Variants in FOXK1 observed in about 807,000 individuals in gnomAD.
FOXK1 encodes forkhead box K1, also known as forkhead box protein K1.
A neutral mutation model predicts 51.9 loss-of-function variants in FOXK1; 19 were observed. That is an observed-to-expected ratio of 0.37 (90% CI 0.26 to 0.54). The LOEUF (loss-of-function observed/expected upper bound fraction) is 0.54. FOXK1 is among the 20% of genes least tolerant of loss of function. The pLI, the probability that FOXK1 is intolerant of heterozygous loss-of-function variation, is 0.87. For missense variants in FOXK1, 870 were observed against 1,032.7 expected (o/e 0.84, Z 2.16); for synonymous variants, 537 against 482.6 (o/e 1.11, Z -1.48).
In FOXK1 at chr7:4,735,213, T is replaced by A. The variant is rs1386615860; in HGVS notation, c.561-5625T>A. 6.6e-6 allele frequency among the ~76,000 whole-genome samples: 1 copy of A among 152,052 alleles called. No individual in the cohort carries two copies. Among genetic ancestry groups the A allele is most frequent in the Non-Finnish European group, 1.5e-5 (1 of 68,004 alleles). On this transcript the variant is annotated intron_variant, in intron 1 of 8. Transcript: ENST00000328914. The surrounding 1 kb of genome is among the most constrained non-coding windows in gnomAD (Gnocchi z 4.7). ...TGTGGTCTGAGGCTGAGCCAGGCAGTGTCATCTCCAACCAAGTCACCAGTT... is the reference window on the plus strand; with the variant it reads ...TGTGGTCTGAGGCTGAGCCAGGCAGAGTCATCTCCAACCAAGTCACCAGTT...
chr7:4,747,535 TTTTG>T lies in FOXK1; in HGVS notation c.746+6524_746+6527del, dbSNP rs1209767058. 3.9e-5 allele frequency among the ~76,000 whole-genome samples: 6 copies of T among 152,158 alleles called. No homozygotes were observed. Among genetic ancestry groups the T allele is most frequent in the Non-Finnish European group, 5.9e-5 (4 of 68,024 alleles). On this transcript the variant is annotated intron_variant, in intron 2 of 8. Transcript: ENST00000328914. The surrounding 1 kb of genome is among the most constrained non-coding windows in gnomAD (Gnocchi z 9.2). ...TTTGGGTTTGGGGGGTTGATTTTGTTTTTGTTTGTTTGTTTTTTGGGACAGGGTC... is the reference window on the plus strand; with the variant it reads ...TTTGGGTTTGGGGGGTTGATTTTGTTTTTGTTTGTTTTTTGGGACAGGGTC...
rs970970921 is a variant in FOXK1 at position 4,722,128 on chromosome 7, T to C, written c.561-18710T>C. Among the ~76,000 whole-genome samples the C allele has an allele frequency of 2.0e-5, 3 of 152,146 alleles. No homozygotes were observed. The highest frequency in any genetic ancestry group is 4.4e-5 in the Non-Finnish European group (3 of 68,030). ...AGGGGACTTTGGTGGGGCCTTGGGC[T>C]CTTGGTCACATCCTGCCCTGATTCA... On this transcript the variant is annotated intron_variant, in intron 1 of 8. Coordinates refer to ENST00000328914, the MANE Select transcript of FOXK1 (RefSeq NM_001037165.2). The surrounding 1 kb of genome is among the most constrained non-coding windows in gnomAD (Gnocchi z 5.1).
Position 4,758,946 on chromosome 7 carries a change from A to G in FOXK1, c.1245-105A>G. The stretch of plus-strand genomic sequence containing the variant: ...AATGCGGAGGACAGAGACGAGCTCC[A>G]GGGAGCGTGGGCGGGTGACGGCGCT... On this transcript the variant is annotated intron_variant, in intron 5 of 8. Coordinates refer to ENST00000328914, the MANE Select transcript of FOXK1 (RefSeq NM_001037165.2). This position sits in a 1 kb window ranked among gnomAD's most constrained non-coding sequence, Gnocchi z 4.4. The G allele has an allele frequency of 8.0e-7, 1 of 1,244,360 alleles. No homozygotes were observed. The highest frequency in any genetic ancestry group is 1.5e-5 in the South Asian group (1 of 68,780). 77.1% of individuals were successfully genotyped at this position (1,244,360 alleles called of 1,614,324 possible).
intron 1 of FOXK1, among the ~76,000 whole-genome samples, chr7:4,688,394 C>A (rs1779847590): frequency 6.7e-6 from 1 of 149,500 alleles, no homozygotes; most frequent in Non-Finnish European, 1.5e-5. Context: ...CTTTTCTTTT[C>A]TTTTTTTTAT....
intron 1 of FOXK1, among the ~76,000 whole-genome samples, chr7:4,706,356 G>A (rs1167401528): frequency 1.3e-5 from 2 of 151,498 alleles, no homozygotes; most frequent in African/African-American, 4.9e-5. Flanking sequence ...AAGTGCTCTG[G>A]CACCCTAAGT....
chr7:4,713,318 C>T (rs1780196775), intron 1 of FOXK1, among the ~76,000 whole-genome samples: 1 of 152,010 alleles, frequency 6.6e-6, no homozygotes, highest in Non-Finnish European at 1.5e-5. Context: ...GGCTGGGATT[C>T]CCGCTCACTG....
At chr7:4,746,159 G>A (rs949620890) in intron 2 of FOXK1, among the ~76,000 whole-genome samples, 25 of 152,176 alleles carry the variant, frequency 1.6e-4, no homozygotes, top group Non-Finnish European at 1.2e-4. Flanking sequence ...ACAATTCGGC[G>A]AAGGTCAGCA....
rs756891278 is a variant in FOXK1, at chr7:4,722,214, C to T, written c.561-18624C>T. ...AGATGCTGGATTTCACGTCCACGGC[C>T]GCCTGGAAATAAATGCCAGCACCGT... On this transcript the variant is annotated intron_variant, in intron 1 of 8. Coordinates refer to ENST00000328914, the MANE Select transcript of FOXK1 (RefSeq NM_001037165.2). The surrounding 1 kb of genome is among the most constrained non-coding windows in gnomAD (Gnocchi z 5.1). Among the ~76,000 whole-genome samples the T allele has an allele frequency of 1.8e-4, 28 of 152,180 alleles. No homozygotes were observed. Among genetic ancestry groups the T allele is most frequent in the Non-Finnish European group, 3.5e-4 (24 of 68,034 alleles).
At chr7:4,717,903 T>C (rs1001665923) in intron 1 of FOXK1, among the ~76,000 whole-genome samples, 1 of 152,176 alleles carries the variant, frequency 6.6e-6, no homozygotes, top group Non-Finnish European at 1.5e-5. Flanking sequence ...TGGTTTTCTA[T>C]TGTAAAAGTG....
At chr7:4,751,012 CTTT>C (rs35715224) in intron 2 of FOXK1, among the ~76,000 whole-genome samples, 3 of 102,954 alleles carry the variant, frequency 2.9e-5, no homozygotes, top group Non-Finnish European at 5.7e-5. Context: ...GCCTTCAGCA[CTTT>C]TTTTTTTTTT....
At chr7:4,701,709 C>T (rs1175712248) in intron 1 of FOXK1, among the ~76,000 whole-genome samples, 2 of 152,188 alleles carry the variant, frequency 1.3e-5, no homozygotes, top group Non-Finnish European at 2.9e-5. Flanking sequence ...CTGGCTAACA[C>T]GGTGAAACCG....
chr7:4,685,124 A>G (rs1779802349), intron 1 of FOXK1, among the ~76,000 whole-genome samples: 2 of 151,842 alleles, frequency 1.3e-5, no homozygotes, highest in South Asian at 4.2e-4. Flanking sequence ...ATATCTATGT[A>G]GGCAGCAATG....
chr7:4,762,550 C>T lies in FOXK1; in HGVS notation c.*86C>T, dbSNP rs1316079401. The stretch of plus-strand genomic sequence containing the variant: ...CAGCTCAGGCGGCCGCACCCACAGA[C>T]GGAGGAGAACAGCCCGCGGCGGCCT... On this transcript the variant is annotated 3_prime_UTR_variant, in exon 9 of 9. Coordinates refer to ENST00000328914, the MANE Select transcript of FOXK1 (RefSeq NM_001037165.2). This position sits in a 1 kb window ranked among gnomAD's most constrained non-coding sequence, Gnocchi z 5.7. 3.2e-5 allele frequency: 44 copies of T among 1,375,274 alleles called. No individual in the cohort carries two copies. Among genetic ancestry groups the T allele is most frequent in the Non-Finnish European group, 4.1e-5 (42 of 1,026,512 alleles). 85.2% of individuals were successfully genotyped at this position (1,375,274 alleles called of 1,614,324 possible).
chr7:4,766,338 A>G lies in FOXK1; in HGVS notation c.*3874A>G, dbSNP rs140331548. 1 of 152,086 alleles carries G rather than the reference A, an allele frequency of 6.6e-6. No homozygotes were observed. Among genetic ancestry groups the G allele is most frequent in the Non-Finnish European group, 1.5e-5 (1 of 67,992 alleles). The allele number at this position is 152,086 out of a possible 1,614,324, so 9.4% of individuals were successfully genotyped here. A position where few individuals can be genotyped will look rare whatever the true frequency, so the allele number is the denominator to read the frequency against. On this transcript the variant is annotated 3_prime_UTR_variant, in exon 9 of 9. Coordinates refer to ENST00000328914, the MANE Select transcript of FOXK1 (RefSeq NM_001037165.2). The surrounding 1 kb of genome is among the most constrained non-coding windows in gnomAD (Gnocchi z 5.5). ...GCTGGTGTGGGGTCCCCATGTAGAG[A>G]CCCTCAGGTCCCTATCCAGAGACCC...
At position 4,730,887 on chromosome 7, in the gene FOXK1, A is replaced by C. The variant is rs1226643468; in HGVS notation, c.561-9951A>C. 6.6e-6 allele frequency among the ~76,000 whole-genome samples: 1 copy of C among 152,090 alleles called. No homozygotes were observed. Among genetic ancestry groups the C allele is most frequent in the Non-Finnish European group, 1.5e-5 (1 of 68,016 alleles). On this transcript the variant is annotated intron_variant, in intron 1 of 8. Coordinates refer to ENST00000328914, the MANE Select transcript of FOXK1 (RefSeq NM_001037165.2). The surrounding 1 kb of genome is among the most constrained non-coding windows in gnomAD (Gnocchi z 4.7). ...TTTCTTTCAAAACCATTTCCTGAGG[A>C]TGGGCGCGGTGGCTCACTCCTGCAA...
At chr7:4,720,614 C>T (rs1369720775) in intron 1 of FOXK1, among the ~76,000 whole-genome samples, 1 of 152,206 alleles carries the variant, frequency 6.6e-6, no homozygotes, top group Non-Finnish European at 1.5e-5. Context: ...AGACTCCAGC[C>T]TCAGCCCCAT....
At position 4,757,145 on chromosome 7, in the gene FOXK1, G is replaced by T. The variant is rs1260547513; in HGVS notation, c.1202G>T (p.Gly401Val). 1.2e-6 allele frequency: 2 copies of T among 1,612,656 alleles called. No individual in the cohort carries two copies. The highest frequency in any genetic ancestry group is 2.2e-5 in the East Asian group (1 of 44,852). The change falls in exon 5 of 9, where the codon GGT becomes GTT. Residue 401 changes from glycine to valine, a missense_variant. Physicochemically the swap from Gly to Val is moderately radical, Grantham distance 109. Coordinates refer to ENST00000328914, the MANE Select transcript of FOXK1 (RefSeq NM_001037165.2). ...GCATTCCGGAAACGGAGGCAGAGGG[G>T]TGTCTCCTGCTTCCGCACCCCCTTC... Reference protein sequence around the residue: ...EQAFRKRRQRGVSCFRTPFGP... With the variant: ...EQAFRKRRQRVVSCFRTPFGP...
At chr7:4,705,554 T>TCGCTCTCG (rs1554249287) in intron 1 of FOXK1, among the ~76,000 whole-genome samples, 1,701 of 131,422 alleles carry the variant, frequency 0.013, 51 homozygotes, top group African/African-American at 0.051. Flanking sequence ...TCTCTCTCTC[T>TCGCTCTCG]CTCTCGCTCT....
In FOXK1 at chr7:4,703,696, C is replaced by T. The variant is rs1014578617; in HGVS notation, c.560+20828C>T. On this transcript the variant is annotated intron_variant, in intron 1 of 8. Transcript: ENST00000328914. This position sits in a 1 kb window ranked among gnomAD's most constrained non-coding sequence, Gnocchi z 5.6. The stretch of plus-strand genomic sequence containing the variant: ...TGCAGCTGGGGACTGGTGCGCCATG[C>T]AATTGACATAGCGCTGCTCGGGCGA... 1.3e-5 allele frequency among the ~76,000 whole-genome samples: 2 copies of T among 152,160 alleles called. No homozygotes were observed. Among genetic ancestry groups the T allele is most frequent in the Non-Finnish European group, 2.9e-5 (2 of 68,026 alleles).
Sources: gnomAD v4.1 joint callset for allele counts (sites outside exome capture counted in the v4.1 genomes callset) on GRCh38, gnomAD v4.1.1 for gene constraint, Gnocchi (gnomAD v3.1) non-coding constraint, MANE v1.5 for transcripts, NCBI Gene and HGNC (gene_info 2026-07-23, HGNC 2026-07-21) for gene names.